The following RPS6KC1 variants were observed in gnomAD, a reference collection of about 807,000 sequenced individuals.
RPS6KC1 encodes the protein ribosomal protein S6 kinase C1.
In RPS6KC1, 54 loss-of-function variants were observed where a neutral mutation model predicts 103.8. The observed-to-expected ratio is 0.52, with a 90% confidence interval of 0.42 to 0.65. The LOEUF (loss-of-function observed/expected upper bound fraction) is 0.65. Ranked by LOEUF, RPS6KC1 falls within the 30% of genes least tolerant of loss-of-function variation. The pLI is 0.00. For synonymous variants in RPS6KC1, 439 were observed against 438.7 expected (o/e 1.00, Z -0.01); for missense variants, 1,151 against 1,253.8 (o/e 0.92, Z 1.24).
At chr1:213,259,884 G>A (rs1029410014) in intron 12 of RPS6KC1, among the ~76,000 whole-genome samples, 6 of 151,708 alleles carry the variant, frequency 4.0e-5, no homozygotes, top group East Asian at 1.9e-4. Flanking sequence ...GATTACAGGC[G>A]CTTGCCACCA....
intron 12 of RPS6KC1, among the ~76,000 whole-genome samples, chr1:213,257,365 C>A (rs1367228468): frequency 6.6e-6 from 1 of 152,200 alleles, no homozygotes; most frequent in East Asian, 1.9e-4. Context: ...TAACGAGGAA[C>A]CTCATGAGCA....
the RPS6KC1 span, among the ~76,000 whole-genome samples, chr1:213,705,853 T>C: frequency 6.6e-6 from 1 of 152,194 alleles, no homozygotes; most frequent in Admixed American, 6.5e-5. Flanking sequence ...GGTTCTCTTC[T>C]GGCCCAGGGT....
chr1:213,054,318 ATATT>A (rs1331233559), intron 1 of RPS6KC1, among the ~76,000 whole-genome samples: 2 of 152,136 alleles, frequency 1.3e-5, no homozygotes, highest in Non-Finnish European at 2.9e-5. Flanking sequence ...CTTCCCGTAA[ATATT>A]TATGTCTTCA....
chr1:213,673,024 A>C, the RPS6KC1 span, among the ~76,000 whole-genome samples: 1 of 152,184 alleles, frequency 6.6e-6, no homozygotes, highest in South Asian at 2.1e-4. Context: ...GAAAAGAGAT[A>C]GAGTTCTACA....
chr1:213,711,769 C>T, the RPS6KC1 span, among the ~76,000 whole-genome samples: 5 of 152,176 alleles, frequency 3.3e-5, no homozygotes, highest in Non-Finnish European at 5.9e-5. Context: ...CAGTCAGGCC[C>T]CACTTCTGCA....
intron 12 of RPS6KC1, among the ~76,000 whole-genome samples, chr1:213,258,682 G>C (rs949275225): frequency 6.6e-6 from 1 of 152,160 alleles, no homozygotes; most frequent in Non-Finnish European, 1.5e-5. Flanking sequence ...TTTGAGCAGG[G>C]AAATGATGTC....
chr1:213,779,184 A>G, the RPS6KC1 span, among the ~76,000 whole-genome samples: 1 of 152,236 alleles, frequency 6.6e-6, no homozygotes, highest in Non-Finnish European at 1.5e-5. Context: ...GAGAACTTGT[A>G]AGGAGGCCAG....
chr1:213,788,173 G>A, the RPS6KC1 span, among the ~76,000 whole-genome samples: 1 of 152,080 alleles, frequency 6.6e-6, no homozygotes, highest in East Asian at 1.9e-4. Context: ...CATTGCCTTG[G>A]CCCAGGATGC....
chr1:213,359,999 T>C, the RPS6KC1 span, among the ~76,000 whole-genome samples: 14 of 151,936 alleles, frequency 9.2e-5, no homozygotes, highest in Non-Finnish European at 2.1e-4. Context: ...ATTTTTTCCT[T>C]CATTTCAACT....
chr1:213,658,004 G>C, the RPS6KC1 span, among the ~76,000 whole-genome samples: 1 of 152,210 alleles, frequency 6.6e-6, no homozygotes, highest in Non-Finnish European at 1.5e-5. Flanking sequence ...GAGGGCTGAG[G>C]GGTGCAGGAA....
At chr1:213,671,030 G>C in the RPS6KC1 span, among the ~76,000 whole-genome samples, 3 of 152,182 alleles carry the variant, frequency 2.0e-5, no homozygotes, top group Non-Finnish European at 4.4e-5. Context: ...CATTCATGTG[G>C]CTTTGACCAG....
At chr1:213,127,959 T>A (rs1182509033) in intron 5 of RPS6KC1, among the ~76,000 whole-genome samples, 1 of 152,206 alleles carries the variant, frequency 6.6e-6, no homozygotes, top group East Asian at 1.9e-4. Context: ...TGGATTTGAA[T>A]GTAACAGAAA....
chr1:213,675,232 A>G, the RPS6KC1 span, among the ~76,000 whole-genome samples: 55 of 152,310 alleles, frequency 3.6e-4, 1 homozygote, highest in South Asian at 0.011. Flanking sequence ...CCAAAGGCCA[A>G]TGCAAAGACT....
the RPS6KC1 span, among the ~76,000 whole-genome samples, chr1:213,486,065 A>G: frequency 6.6e-6 from 1 of 152,208 alleles, no homozygotes; most frequent in Non-Finnish European, 1.5e-5. Flanking sequence ...CTAAACATGC[A>G]TGAGTTCACT....
At chr1:213,696,691 G>T in the RPS6KC1 span, among the ~76,000 whole-genome samples, 20 of 151,910 alleles carry the variant, frequency 1.3e-4, no homozygotes, top group African/African-American at 4.1e-4. Flanking sequence ...ATCATCAATG[G>T]CTACCATTAT....
chr1:213,665,192 C>A, the RPS6KC1 span, among the ~76,000 whole-genome samples: 1 of 129,610 alleles, frequency 7.7e-6, no homozygotes, highest in Non-Finnish European at 1.7e-5. Flanking sequence ...ACTGTGGAAA[C>A]AAGCAAAAAC....
At chr1:213,254,510 T>C (rs1423904421) in intron 12 of RPS6KC1, among the ~76,000 whole-genome samples, 1 of 152,186 alleles carries the variant, frequency 6.6e-6, no homozygotes, top group Non-Finnish European at 1.5e-5. Flanking sequence ...CTTAGGTTAA[T>C]GGAGGGAGAA....
chr1:213,271,348 TATATG>T (rs1223240708), intron 14 of RPS6KC1, among the ~76,000 whole-genome samples: 2 of 152,272 alleles, frequency 1.3e-5, no homozygotes, highest in East Asian at 1.9e-4. Flanking sequence ...TTATTTTACT[TATATG>T]AAATGTTCAG....
At chr1:213,797,597 G>T in the RPS6KC1 span, among the ~76,000 whole-genome samples, 1 of 152,216 alleles carries the variant, frequency 6.6e-6, no homozygotes, top group East Asian at 1.9e-4. Flanking sequence ...AAAGGGTTTG[G>T]TACAACTTTC....
Sources: gnomAD v4.1 joint callset for allele counts (sites outside exome capture counted in the v4.1 genomes callset) on GRCh38, gnomAD v4.1.1 for gene constraint, MANE v1.5 for transcripts, NCBI Gene and HGNC (gene_info 2026-07-23, HGNC 2026-07-21) for gene names.